Variants in SLC39A10 observed in about 807,000 individuals in gnomAD.
The protein encoded by SLC39A10 is solute carrier family 39 member 10.
SLC39A10 carries 13 observed loss-of-function variants against 65.1 expected under a neutral mutation model. The ratio of observed to expected loss-of-function variants is 0.20; its 90% CI spans 0.13 to 0.32. The LOEUF is 0.32. SLC39A10 is among the 10% of genes least tolerant of loss of function. The pLI, the probability that SLC39A10 is intolerant of heterozygous loss-of-function variation, is 1.00. For missense variants in SLC39A10, 831 were observed against 1,018.4 expected, an observed-to-expected ratio of 0.82 and a Z score of 2.50; for synonymous variants, 321 against 342.2, an observed-to-expected ratio of 0.94 and a Z score of 0.68.
chr2:195,614,679 C>A (rs1574472421), intron 2 of SLC39A10, among the ~76,000 whole-genome samples: 1 of 152,180 alleles, frequency 6.6e-6, no homozygotes, highest in South Asian at 2.1e-4. Flanking sequence ...ACCATTTTCT[C>A]CCCCACAAAC....
At chr2:195,720,995 G>A (rs1692013765) in intron 8 of SLC39A10, among the ~76,000 whole-genome samples, 1 of 152,158 alleles carries the variant, frequency 6.6e-6, no homozygotes, top group Admixed American at 6.5e-5. Context: ...AGGCTGGAGT[G>A]CAGTGGCTTG....
intron 8 of SLC39A10, among the ~76,000 whole-genome samples, chr2:195,724,410 AAG>A (rs1431122824): frequency 1.3e-5 from 2 of 152,206 alleles, no homozygotes; most frequent in African/African-American, 4.8e-5. Flanking sequence ...AATGAGGAAA[AAG>A]AGAAAAATAT....
intron 1 of SLC39A10, among the ~76,000 whole-genome samples, chr2:195,677,041 A>G (rs556178039): frequency 6.6e-6 from 1 of 152,172 alleles, no homozygotes; most frequent in Non-Finnish European, 1.5e-5. Context: ...TTATAATTAC[A>G]TTTTGTGATT....
chr2:195,713,437 A>G lies in SLC39A10; in HGVS notation c.1580A>G (p.Lys527Arg). Residue 527 changes from lysine to arginine, a missense_variant, in exon 6 of 10, where the codon AAA becomes AGA. This residue lies in a region of SLC39A10 where 230 missense variants were observed against 242.9 expected (regional missense o/e 0.95). Transcript: ENST00000359634. ...MFKHYKQQRG[K>R]QKWFMKQNTE... ...CTATTTTTTTTCTTTTTTTAGGGAA[A>G]ACAGAAATGGTTTATGAAACAGAAC... The G allele has an allele frequency of 6.5e-7, 1 of 1,548,604 alleles. No homozygotes were observed. The highest frequency in any genetic ancestry group is 8.6e-7 in the Non-Finnish European group (1 of 1,158,118).
At chr2:195,622,338 C>T (rs1309953272) in intron 2 of SLC39A10, among the ~76,000 whole-genome samples, 2 of 151,820 alleles carry the variant, frequency 1.3e-5, no homozygotes, top group East Asian at 3.9e-4. Context: ...TGCACTCTAG[C>T]CTGGGCGACA....
intron 2 of SLC39A10, among the ~76,000 whole-genome samples, chr2:195,614,052 G>A (rs186061034): frequency 1.3e-5 from 2 of 152,234 alleles, no homozygotes; most frequent in East Asian, 3.9e-4. Context: ...CTAGTTGGAT[G>A]GATGAGCTGC....
intron 2 of SLC39A10, among the ~76,000 whole-genome samples, chr2:195,650,099 T>C (rs1229935042): frequency 1.3e-5 from 2 of 151,956 alleles, no homozygotes; most frequent in Admixed American, 6.6e-5. Flanking sequence ...TGTGTAATTG[T>C]AGGAATTGGC....
At chr2:195,729,090 A>C (rs1391961463) in intron 9 of SLC39A10, among the ~76,000 whole-genome samples, 1 of 151,662 alleles carries the variant, frequency 6.6e-6, no homozygotes, top group Non-Finnish European at 1.5e-5. Flanking sequence ...CTCCTGCCTC[A>C]GCCCCTGAGT....
chr2:195,644,890 CTTTATTTATTTATTTA>C (rs55931319), intron 2 of SLC39A10, among the ~76,000 whole-genome samples: 1 of 138,144 alleles, frequency 7.2e-6, no homozygotes, highest in Non-Finnish European at 1.5e-5. Context: ...AATCTAACTA[CTTTATTTATTTATTTA>C]TTTATTTATT....
In SLC39A10 at chr2:195,683,822, G is replaced by A; in HGVS notation, c.1132G>A (p.Glu378Lys). 6.2e-7 allele frequency: 1 copy of A among 1,613,268 alleles called. No individual in the cohort carries two copies. The highest frequency in any genetic ancestry group is 8.5e-7 in the Non-Finnish European group (1 of 1,179,502). The change falls in exon 3 of 10, where the codon GAG (glutamate) becomes AAG (lysine). Residue 378 changes from glutamate (E) to lysine (K), a missense_variant. By Grantham distance (56) the Glu-to-Lys change is moderately conservative. Transcript: ENST00000359634. The stretch of plus-strand genomic sequence containing the variant: ...TCAAATCGACAGCAGACTTTGTATT[G>A]AGCATTTTGACAAACTTTTAGTTGA... ...LYQIDSRLCI[E>K]HFDKLLVEDI...
intron 3 of SLC39A10, among the ~76,000 whole-genome samples, chr2:195,690,309 T>A (rs1263243733): frequency 1.3e-5 from 2 of 152,198 alleles, no homozygotes; most frequent in Non-Finnish European, 2.9e-5. Flanking sequence ...TTCCACAGTT[T>A]AGCTAATGTG....
At chr2:195,694,725 GGCATCGA>G (rs1690875014) in intron 3 of SLC39A10, among the ~76,000 whole-genome samples, 1 of 152,170 alleles carries the variant, frequency 6.6e-6, no homozygotes, top group Non-Finnish European at 1.5e-5. Context: ...TGTGTTGGTT[GGCATCGA>G]GCCAGGATGT....
At chr2:195,628,384 A>G (rs1559007325) in intron 2 of SLC39A10, among the ~76,000 whole-genome samples, 2 of 152,260 alleles carry the variant, frequency 1.3e-5, no homozygotes, top group African/African-American at 2.4e-5. Context: ...AAATTTTTAC[A>G]TATATTAATG....
intron 9 of SLC39A10, among the ~76,000 whole-genome samples, chr2:195,732,187 G>A (rs1266928765): frequency 4.6e-5 from 7 of 152,130 alleles, no homozygotes; most frequent in African/African-American, 1.7e-4. Context: ...TGTAAACTTT[G>A]GAGAGCCATG....
At chr2:195,708,618 A>G (rs530401394) in intron 4 of SLC39A10, 38 bp from the exon 5 acceptor site, 14 of 1,440,762 alleles carry the variant, frequency 9.7e-6, no homozygotes, top group East Asian at 7.3e-5. Flanking sequence ...TAGCATTTCA[A>G]TTATTTGTTT....
intron 3 of SLC39A10, among the ~76,000 whole-genome samples, chr2:195,703,471 T>G (rs1409330828): frequency 6.6e-6 from 1 of 152,124 alleles, no homozygotes; most frequent in Non-Finnish European, 1.5e-5. Context: ...AGAATTTAGG[T>G]CTTTTTTTTT....
At chr2:195,659,109 T>G (rs1689278856) in intron 1 of SLC39A10, among the ~76,000 whole-genome samples, 1 of 152,248 alleles carries the variant, frequency 6.6e-6, no homozygotes, top group African/African-American at 2.4e-5. Context: ...ACTGAAGAGA[T>G]AAGTAAATGT....
intron 3 of SLC39A10, among the ~76,000 whole-genome samples, chr2:195,703,980 T>C (rs542952284): frequency 3.3e-5 from 5 of 152,252 alleles, no homozygotes; most frequent in African/African-American, 1.2e-4. Flanking sequence ...CTGGGTAATT[T>C]TGGTGACTAA....
intron 2 of SLC39A10, among the ~76,000 whole-genome samples, chr2:195,631,568 T>TATA (rs1263860777): frequency 6.6e-6 from 1 of 152,226 alleles, no homozygotes; most frequent in African/African-American, 2.4e-5. Flanking sequence ...TTGACCAGTA[T>TATA]ATAACATCTA....
Sources: allele counts gnomAD v4.1 joint callset (sites outside exome capture counted in the v4.1 genomes callset), GRCh38; gene constraint gnomAD v4.1.1; regional missense constraint gnomAD v4.1.1; transcripts MANE v1.5; gene names NCBI Gene and HGNC (gene_info 2026-07-23, HGNC 2026-07-21).